Variants in TDO2 observed in about 807,000 individuals in gnomAD.
The protein encoded by TDO2 is tryptamin 2,3-dioxygenase.
TDO2 carries 63 observed loss-of-function variants against 61.2 expected under a neutral mutation model. The observed-to-expected ratio is 1.03, with a 90% CI of 0.84 to 1.27. TDO2 has a LOEUF of 1.27. Ranked by LOEUF, TDO2 falls within the 50% of genes most tolerant of loss-of-function variation. TDO2 has a pLI of 0.00. For missense variants in TDO2, 494 were observed against 469.5 expected, an observed-to-expected ratio of 1.05 and a Z score of -0.48; for synonymous variants, 183 against 164.0, an observed-to-expected ratio of 1.12 and a Z score of -0.89.
At position 155,907,866 on chromosome 4, in the gene TDO2, A is replaced by C. The variant is rs984058629; in HGVS notation, c.303+74A>C. 1.6e-5 allele frequency: 18 copies of C among 1,095,852 alleles called. No individual in the cohort carries two copies. The African/African-American group carries it at 2.5e-4, about 15-fold the overall frequency. The allele number at this position is 1,095,852 out of a possible 1,614,324, so 67.9% of individuals were successfully genotyped here. A position where few individuals can be genotyped will look rare whatever the true frequency, so the allele number is the denominator to read the frequency against. ...ATGGAAAGTATTATTAATGAGAGAA[A>C]AACATTAACACCAAATGGTGGTCTT... is the stretch of plus-strand genomic sequence containing the variant. On this transcript the variant is annotated intron_variant, in intron 4 of 11. Transcript: ENST00000536354.
In TDO2 at chr4:155,905,059, A is replaced by C; in HGVS notation, c.142-8A>C. Reference sequence around the variant, plus strand: ...ATTTCAGACAGGCTTTTTATTTTTCATTTCAAGTTGGAAAAAGTTTTGAAT... The same window carrying C: ...ATTTCAGACAGGCTTTTTATTTTTCCTTTCAAGTTGGAAAAAGTTTTGAAT... On this transcript the variant is annotated splice_polypyrimidine_tract_variant and splice_region_variant and intron_variant, in intron 2 of 11. Transcript: ENST00000536354. The C allele has an allele frequency of 2.5e-6, 4 of 1,572,070 alleles. No individual in the cohort carries two copies. Among genetic ancestry groups the C allele is most frequent in the Non-Finnish European group, 3.4e-6 (4 of 1,162,484 alleles).
chr4:155,915,588 A>G (rs906144741), intron 8 of TDO2, among the ~76,000 whole-genome samples: 1 of 152,192 alleles, frequency 6.6e-6, no homozygotes, highest in African/African-American at 2.4e-5. Context: ...TTTTCTAGAA[A>G]AATCAGGTTT....
intron 3 of TDO2, 179 bp from the exon 4 acceptor site, chr4:155,907,543 G>A (rs1011781548): frequency 2.2e-5 from 12 of 548,810 alleles, no homozygotes; most frequent in Non-Finnish European, 3.6e-5. Context: ...AATAAAAGGA[G>A]GCTATTACAA....
chr4:155,913,038 A>T (rs965757186), intron 7 of TDO2, among the ~76,000 whole-genome samples: 1 of 152,000 alleles, frequency 6.6e-6, no homozygotes, highest in Admixed American at 6.6e-5. Context: ...TTAGCTCTCA[A>T]ATATCATCCT....
At position 155,918,132 on chromosome 4, in the gene TDO2, T is replaced by G; in HGVS notation, c.977-17T>G. Reference sequence around the variant, plus strand: ...GGTGGAAAAATATCCATGGAGTAAATTTGTATGTTTGCCTAGATAACCATG... The same window carrying G: ...GGTGGAAAAATATCCATGGAGTAAAGTTGTATGTTTGCCTAGATAACCATG... On this transcript the variant is annotated splice_polypyrimidine_tract_variant and intron_variant, in intron 10 of 11. Transcript: ENST00000536354. 1 of 1,611,128 alleles carries G rather than the reference T, an allele frequency of 6.2e-7. No homozygotes were observed. Among genetic ancestry groups the G allele is most frequent in the Non-Finnish European group, 8.5e-7 (1 of 1,178,576 alleles).
chr4:155,904,494 C>T (rs1329124134), intron 2 of TDO2, among the ~76,000 whole-genome samples: 1 of 152,130 alleles, frequency 6.6e-6, no homozygotes, highest in Non-Finnish European at 1.5e-5. Context: ...TCCTTTAAAT[C>T]TCTTATCATG....
Position 155,920,094 on chromosome 4 carries a change from C to A in TDO2, c.*104C>A. 9.7e-7 allele frequency: 1 copy of A among 1,026,628 alleles called. No homozygotes were observed. Among genetic ancestry groups the A allele is most frequent in the Non-Finnish European group, 1.5e-6 (1 of 688,610 alleles). 63.6% of individuals were successfully genotyped at this position (1,026,628 alleles called of 1,614,324 possible). A position where few individuals can be genotyped will look rare whatever the true frequency, so the allele number is the denominator to read the frequency against. ...TGAATATATGTATGCATATATTGTTCAGCACCACGATGCTCTGATTTAATT... is the reference window on the plus strand; with the variant it reads ...TGAATATATGTATGCATATATTGTTAAGCACCACGATGCTCTGATTTAATT... On this transcript the variant is annotated 3_prime_UTR_variant, in exon 12 of 12. Transcript: ENST00000536354.
Position 155,909,966 on chromosome 4 carries a change from T to C in TDO2, c.432-59T>C, listed in dbSNP as rs567416792. 178 of 426,436 alleles carry C rather than the reference T, an allele frequency of 4.2e-4. No homozygotes were observed. In the East Asian group the frequency reaches 0.012, roughly 28 times the overall value. 26.4% of individuals were successfully genotyped at this position (426,436 alleles called of 1,614,324 possible). A position where few individuals can be genotyped will look rare whatever the true frequency, so the allele number is the denominator to read the frequency against. On this transcript the variant is annotated intron_variant, in intron 5 of 11. Transcript: ENST00000536354. Reference sequence around the variant, plus strand: ...CCTCCCCCCCCTTTCTCTTCTCTGCTCTTCTCCTCTCCTCTCTTTCCCTTC... The same window carrying C: ...CCTCCCCCCCCTTTCTCTTCTCTGCCCTTCTCCTCTCCTCTCTTTCCCTTC...
Position 155,911,503 on chromosome 4 carries a change from C to A in TDO2, c.625C>A (p.Leu209Met). The A allele has an allele frequency of 6.3e-7, 1 of 1,593,030 alleles. No individual in the cohort carries two copies. The highest frequency in any genetic ancestry group is 8.6e-7 in the Non-Finnish European group (1 of 1,167,594). Residue 209 changes from leucine to methionine, a missense_variant, in exon 7 of 12, where the codon CTG becomes ATG. Coordinates refer to ENST00000536354, the MANE Select transcript of TDO2 (RefSeq NM_005651.4). ...AAAATAATGTTTATTTAAGGCATGG[C>A]TGGAAAGAACTCCAGGTTTAGAGCC... ...KTLLELVEAW[L>M]ERTPGLEPHG...
intron 4 of TDO2, among the ~76,000 whole-genome samples, chr4:155,908,238 G>A (rs976757022): frequency 6.6e-6 from 1 of 152,088 alleles, no homozygotes; most frequent in Non-Finnish European, 1.5e-5. Context: ...GGGAAAAGGG[G>A]AATGGGGCAA....
chr4:155,917,346 A>G lies in TDO2; in HGVS notation c.897-49A>G, dbSNP rs949543708. 2.7e-6 allele frequency: 4 copies of G among 1,495,126 alleles called. No individual in the cohort carries two copies. In the African/African-American group the frequency reaches 5.6e-5, roughly 21 times the overall value. The allele number at this position is 1,495,126 out of a possible 1,614,324, so 92.6% of individuals were successfully genotyped here. A position where few individuals can be genotyped will look rare whatever the true frequency, so the allele number is the denominator to read the frequency against. ...GTCAAACTCATGCTCCTCCTAACAC[A>G]CTCGATTTACTTGAATATATTCTTC... On this transcript the variant is annotated intron_variant, in intron 9 of 11. Coordinates refer to ENST00000536354, the MANE Select transcript of TDO2 (RefSeq NM_005651.4).
intron 3 of TDO2, chr4:155,905,534 C>A: frequency 6.0e-6 from 1 of 165,428 alleles, no homozygotes; most frequent in Non-Finnish European, 1.3e-5. Flanking sequence ...CTATACAAAT[C>A]TAGTAATAAA....
intron 9 of TDO2, 42 bp downstream of exon 9, chr4:155,915,954 G>C: frequency 1.3e-6 from 2 of 1,535,708 alleles, no homozygotes; most frequent in East Asian, 2.3e-5. Flanking sequence ...AAATTGAGGG[G>C]TGGATATGGA....
chr4:155,910,923 A>T (rs1205373915), intron 6 of TDO2, among the ~76,000 whole-genome samples: 1 of 152,128 alleles, frequency 6.6e-6, no homozygotes, highest in Non-Finnish European at 1.5e-5. Context: ...TTTCAGAATT[A>T]TAATAAGTAT....
chr4:155,918,004 C>G, intron 10 of TDO2, 145 bp from the exon 11 acceptor site: 1 of 730,274 alleles, frequency 1.4e-6, no homozygotes, highest in East Asian at 2.7e-5. Flanking sequence ...TCATCTGGCT[C>G]TCATGTATGA....
chr4:155,919,940 A>G lies in TDO2; in HGVS notation c.1171A>G (p.Thr391Ala). ...CCCAACCATTCACAAATTTCTATAT[A>G]CAGCAGAATACTGTGATAGCTCCTA... ...MNPTIHKFLY[T>A]AEYCDSSYFS... The change falls in exon 12 of 12, where the codon ACA becomes GCA. Residue 391 changes from threonine (T) to alanine (A), a missense_variant. Physicochemically the swap from Thr to Ala is moderately conservative, Grantham distance 58. Coordinates refer to ENST00000536354, the MANE Select transcript of TDO2 (RefSeq NM_005651.4). 6.2e-7 allele frequency: 1 copy of G among 1,613,734 alleles called. No individual in the cohort carries two copies. Among genetic ancestry groups the G allele is most frequent in the Non-Finnish European group, 8.5e-7 (1 of 1,179,766 alleles).
At chr4:155,908,849 A>G in intron 4 of TDO2, 38 bp from the exon 5 acceptor site, 1 of 1,581,696 alleles carries the variant, frequency 6.3e-7, no homozygotes, top group Non-Finnish European at 8.6e-7. Context: ...TCTAGAGGTC[A>G]GCATTGCTAA....
chr4:155,905,255 T>C (rs1303116621), intron 3 of TDO2, 98 bp downstream of exon 3: 33 of 879,770 alleles, frequency 3.8e-5, no homozygotes, highest in Non-Finnish European at 4.8e-5. Context: ...TGAAAGATCA[T>C]GGAATCACCT....
In TDO2 at chr4:155,919,486, G is replaced by T. The variant is rs191935110; in HGVS notation, c.1068-351G>T. ...TCCAAATGAGCATCTAAGACTGTTT[G>T]CTTTAAATGTATTACCTTGCATAGC... is the stretch of plus-strand genomic sequence containing the variant. On this transcript the variant is annotated intron_variant, in intron 11 of 11. Coordinates refer to ENST00000536354, the MANE Select transcript of TDO2 (RefSeq NM_005651.4). Among the ~76,000 whole-genome samples, 59 of 152,198 alleles carry T rather than the reference G, an allele frequency of 3.9e-4. 1 individual carries two copies. The East Asian group carries it at 0.011, about 28-fold the overall frequency.
Sources: gnomAD v4.1 joint callset for allele counts (sites outside exome capture counted in the v4.1 genomes callset) on GRCh38, gnomAD v4.1.1 for gene constraint, MANE v1.5 for transcripts, NCBI Gene and HGNC (gene_info 2026-07-23, HGNC 2026-07-21) for gene names.